Variants in LCOR observed in about 807,000 individuals in gnomAD.
LCOR encodes the protein ligand dependent nuclear receptor corepressor, also known as ligand-dependent corepressor.
A neutral mutation model predicts 64.4 loss-of-function variants in LCOR; 14 were observed. The observed-to-expected ratio is 0.22, with a 90% CI of 0.14 to 0.34. LCOR has a LOEUF of 0.34. Ranked by LOEUF, LCOR falls within the 10% of genes least tolerant of loss-of-function variation. The probability of loss-of-function intolerance (pLI) is 1.00; values close to 1 mark genes in which losing one functional copy is unlikely to be tolerated. For synonymous variants in LCOR, 643 were observed against 642.5 expected (o/e 1.00, Z -0.01); for missense variants, 1,686 against 1,765.3 (o/e 0.96, Z 0.80).
intron 2 of LCOR, among the ~76,000 whole-genome samples, chr10:96,872,767 ATTC>A (rs1369138478): frequency 2.0e-5 from 3 of 152,242 alleles, no homozygotes; most frequent in African/African-American, 4.8e-5. Context: ...CTACCAGTTA[ATTC>A]TTCTTCTAAC....
chr10:96,939,161 A>G (rs189107740), intron 4 of LCOR, among the ~76,000 whole-genome samples: 1 of 152,262 alleles, frequency 6.6e-6, no homozygotes. Context: ...TTGAGGATAG[A>G]TATATAAATA....
chr10:96,873,688 C>T (rs1448241166), intron 2 of LCOR, among the ~76,000 whole-genome samples: 1 of 147,528 alleles, frequency 6.8e-6, no homozygotes, highest in African/African-American at 2.5e-5. Context: ...CTGTAACCTC[C>T]GTCTCCCTGG....
At chr10:96,931,764 CA>C (rs2134490226) in intron 4 of LCOR, among the ~76,000 whole-genome samples, 1 of 152,228 alleles carries the variant, frequency 6.6e-6, no homozygotes, top group Admixed American at 6.5e-5. Flanking sequence ...TTTGTTTCAG[CA>C]GCAGCAGTTA....
chr10:96,932,946 A>G (rs796980864), intron 4 of LCOR, among the ~76,000 whole-genome samples: 8 of 152,338 alleles, frequency 5.3e-5, no homozygotes, highest in African/African-American at 1.9e-4. Context: ...AATCTATCCC[A>G]AGGAAATAAT....
intron 7 of LCOR, among the ~76,000 whole-genome samples, chr10:96,965,256 G>A (rs1164145768): frequency 2.0e-5 from 3 of 151,598 alleles, no homozygotes; most frequent in African/African-American, 7.3e-5. Flanking sequence ...TGATACACCT[G>A]CCTCAGCCTC....
intron 2 of LCOR, among the ~76,000 whole-genome samples, chr10:96,897,915 T>A (rs1275677943): frequency 7.9e-5 from 12 of 151,278 alleles, no homozygotes; most frequent in African/African-American, 2.9e-4. Context: ...TACCCTTCTG[T>A]TTTATTTCTA....
At chr10:96,870,298 A>G (rs1282676927) in intron 2 of LCOR, among the ~76,000 whole-genome samples, 3 of 152,230 alleles carry the variant, frequency 2.0e-5, no homozygotes, top group African/African-American at 7.2e-5. Flanking sequence ...GGCGTGAGCC[A>G]CCGCACCCGG....
intron 4 of LCOR, among the ~76,000 whole-genome samples, chr10:96,940,718 T>TCCACACAGAC (rs1401690458): frequency 7.9e-6 from 1 of 127,074 alleles, no homozygotes; most frequent in Non-Finnish European, 1.7e-5. Context: ...TCTACTTCTA[T>TCCACACAGAC]CCACACAGAC....
intron 4 of LCOR, among the ~76,000 whole-genome samples, chr10:96,911,533 G>C (rs1846834925): frequency 6.6e-6 from 1 of 152,230 alleles, no homozygotes; most frequent in Non-Finnish European, 1.5e-5. Flanking sequence ...CATGTTTTTA[G>C]ATGCATTTTG....
intron 2 of LCOR, among the ~76,000 whole-genome samples, chr10:96,857,106 A>G (rs1845819258): frequency 6.6e-6 from 1 of 152,022 alleles, no homozygotes; most frequent in African/African-American, 2.4e-5. Flanking sequence ...ATGTGTGTAT[A>G]TAGTACATAT....
At chr10:96,958,906 TAAAAAAAA>T (rs74784568) in intron 7 of LCOR, 1 of 103,890 alleles carries the variant, frequency 9.6e-6, no homozygotes, top group Non-Finnish European at 2.2e-5. Flanking sequence ...AAGAAAAACT[TAAAAAAAA>T]AAAAAAAAAA....
chr10:96,866,409 T>C (rs1466920044), intron 2 of LCOR, among the ~76,000 whole-genome samples: 1 of 152,226 alleles, frequency 6.6e-6, no homozygotes, highest in Non-Finnish European at 1.5e-5. Flanking sequence ...ATTCTTTTGC[T>C]GATGAGCATT....
chr10:96,995,496 T>C lies in LCOR; in HGVS notation c.*10362T>C, dbSNP rs552845662. 10 of 152,350 alleles carry C rather than the reference T, an allele frequency of 6.6e-5. No individual in the cohort carries two copies. The highest frequency in any genetic ancestry group is 1.0e-4 in the Non-Finnish European group (7 of 68,030). 9.4% of individuals were successfully genotyped at this position (152,350 alleles called of 1,614,324 possible). A position where few individuals can be genotyped will look rare whatever the true frequency, so the allele number is the denominator to read the frequency against. On this transcript the variant is annotated 3_prime_UTR_variant, in exon 8 of 8. Coordinates refer to ENST00000421806, the MANE Select transcript of LCOR (RefSeq NM_001346516.2). The surrounding 1 kb of genome is among the most constrained non-coding windows in gnomAD (Gnocchi z 4.2). The stretch of plus-strand genomic sequence containing the variant: ...CTTTAATGGATGAAAATTCAATGTA[T>C]GCTGTGAATTTGTTGGTTTGAAACA...
chr10:96,921,057 C>T (rs759406423), intron 4 of LCOR, among the ~76,000 whole-genome samples: 4 of 151,996 alleles, frequency 2.6e-5, no homozygotes, highest in Non-Finnish European at 4.4e-5. Context: ...CCTAGAACTC[C>T]TAGGCTCATG....
chr10:96,914,750 A>G (rs1846908744), intron 4 of LCOR, among the ~76,000 whole-genome samples: 1 of 152,224 alleles, frequency 6.6e-6, no homozygotes, highest in Admixed American at 6.5e-5. Flanking sequence ...GAGGGTTGAC[A>G]AATTTTCAAG....
chr10:96,982,004 C>T lies in LCOR; in HGVS notation c.1544C>T (p.Thr515Ile), dbSNP rs1219870566. Residue 515 changes from threonine (T) to isoleucine (I), a missense_variant, in exon 8 of 8, where the codon ACT becomes ATT. Coordinates refer to ENST00000421806, the MANE Select transcript of LCOR (RefSeq NM_001346516.2). ...FFNGDCCELP[T>I]VRTLARNLHS... ...AATGGTGACTGTTGTGAGCTGCCAA[C>T]TGTTCGTACACTGGCCAGAAATTTA... is the stretch of plus-strand genomic sequence containing the variant. 1.2e-6 allele frequency: 2 copies of T among 1,614,050 alleles called. No individual in the cohort carries two copies. The highest frequency in any genetic ancestry group is 1.6e-4 in the Middle Eastern group (1 of 6,062).
intron 7 of LCOR, chr10:96,958,298 C>G: frequency 6.8e-7 from 1 of 1,465,316 alleles, no homozygotes; most frequent in Non-Finnish European, 9.1e-7. Flanking sequence ...GAGGTTTAAT[C>G]CTATGTGGTA....
At chr10:96,876,253 G>A (rs1419304777) in intron 2 of LCOR, among the ~76,000 whole-genome samples, 1 of 152,204 alleles carries the variant, frequency 6.6e-6, no homozygotes, top group East Asian at 1.9e-4. Flanking sequence ...GAGCAAGAGT[G>A]CCAGCTCAGG....
intron 7 of LCOR, chr10:96,957,985 A>G: frequency 1.0e-6 from 1 of 990,792 alleles, no homozygotes; most frequent in Non-Finnish European, 1.2e-6. Flanking sequence ...TCCTTATGAA[A>G]TATATGGTTT....
Sources: gnomAD v4.1 joint callset for allele counts (sites outside exome capture counted in the v4.1 genomes callset) on GRCh38, gnomAD v4.1.1 for gene constraint, Gnocchi (gnomAD v3.1) non-coding constraint, MANE v1.5 for transcripts, NCBI Gene and HGNC (gene_info 2026-07-23, HGNC 2026-07-21) for gene names.